The following SERPINB6 variants were observed in gnomAD, a reference collection of about 807,000 sequenced individuals.
SERPINB6 encodes the protein serpin family B member 6.
A neutral mutation model predicts 26.1 loss-of-function variants in SERPINB6; 16 were observed. The ratio of observed to expected loss-of-function variants is 0.61; its 90% CI spans 0.42 to 0.93. SERPINB6 has a LOEUF of 0.93. Among genes scored for constraint, SERPINB6 ranks in the 40% least tolerant of loss-of-function variants. The pLI is 0.00. For synonymous variants in SERPINB6, 174 were observed against 176.6 expected (o/e 0.99, Z 0.11); for missense variants, 420 against 478.0 (o/e 0.88, Z 1.13).
intron 1 of SERPINB6, chr6:2,968,893 G>A (rs538016222): frequency 7.6e-5 from 94 of 1,229,486 alleles, no homozygotes; most frequent in African/African-American, 2.3e-4. Flanking sequence ...AGAACTCTTC[G>A]GTGTGGCTAT....
At chr6:2,968,464 T>TA (rs5873849) in intron 1 of SERPINB6, 666 of 889,676 alleles carry the variant, frequency 7.5e-4, no homozygotes, top group Non-Finnish European at 8.4e-4. Context: ...TTTAAAAGGT[T>TA]AAAAAAAAAA....
Position 2,959,172 on chromosome 6 carries a change from G to A in SERPINB6, c.161C>T (p.Ala54Val), listed in dbSNP as rs1320319140. 2 of 1,614,058 alleles carry A rather than the reference G, an allele frequency of 1.2e-6. No homozygotes were observed. The highest frequency in any genetic ancestry group is 1.3e-5 in the African/African-American group (1 of 74,910). The change falls in exon 2 of 7, where the codon GCC (alanine) becomes GTC (valine). Residue 54 changes from alanine to valine, a missense_variant. Ala to Val is a moderately conservative substitution (Grantham distance 64). Transcript: ENST00000380539. ...ATGGCTGCCCTGAAGCTGTACCTGGGCCATCTGTGCAGCGGTGTTTCCCTT... is the reference window on the plus strand; with the variant it reads ...ATGGCTGCCCTGAAGCTGTACCTGGACCATCTGTGCAGCGGTGTTTCCCTT... ...GAKGNTAAQMAQILSFNKSGG... is the reference protein window; with the variant it reads ...GAKGNTAAQMVQILSFNKSGG...
intron 2 of SERPINB6, chr6:2,956,495 G>A (rs1179852610): frequency 6.6e-6 from 1 of 152,498 alleles, no homozygotes; most frequent in East Asian, 1.9e-4. Context: ...CCTGGAGAAG[G>A]TGCCATCACC....
intron 1 of SERPINB6, chr6:2,970,057 CAAAA>C (rs754952384): frequency 1.9e-4 from 152 of 806,060 alleles, no homozygotes; most frequent in Non-Finnish European, 2.0e-4. Flanking sequence ...TCCAGCCTGG[CAAAA>C]AAAAAAAAAA....
chr6:2,954,303 C>A (rs1770172995), intron 4 of SERPINB6, among the ~76,000 whole-genome samples: 1 of 152,046 alleles, frequency 6.6e-6, no homozygotes, highest in African/African-American at 2.4e-5. Flanking sequence ...AACACACTAA[C>A]CCCCTCCTCA....
chr6:2,965,045 G>A (rs1003361348), intron 1 of SERPINB6, among the ~76,000 whole-genome samples: 1 of 152,172 alleles, frequency 6.6e-6, no homozygotes, highest in Non-Finnish European at 1.5e-5. Context: ...GCCCGGTCCC[G>A]ATCCACAGGT....
At chr6:2,966,096 T>A (rs1391491660) in intron 1 of SERPINB6, among the ~76,000 whole-genome samples, 1 of 152,240 alleles carries the variant, frequency 6.6e-6, no homozygotes, top group Non-Finnish European at 1.5e-5. Context: ...TTGTATGGTA[T>A]AACTTGGTCT....
chr6:2,969,786 GT>G (rs752730990), intron 1 of SERPINB6: 22 of 979,374 alleles, frequency 2.2e-5, no homozygotes, highest in Admixed American at 6.3e-5. Context: ...GTGTGTGTGT[GT>G]TGTGTGTGTA....
chr6:2,955,804 C>A, intron 2 of SERPINB6, 134 bp from the exon 3 acceptor site: 1 of 961,258 alleles, frequency 1.0e-6, no homozygotes, highest in African/African-American at 1.6e-5. Flanking sequence ...AGGCTGGGCG[C>A]AGCAGCTCAC....
At chr6:2,955,977 G>T in intron 2 of SERPINB6, 1 of 302,664 alleles carries the variant, frequency 3.3e-6, no homozygotes, top group Non-Finnish European at 6.4e-6. Flanking sequence ...TCGGGAAGCT[G>T]AGGAAAGAGA....
In SERPINB6 at chr6:2,948,847, A is replaced by G; in HGVS notation, c.729+67T>C. ...AAACGGCTGACCGCAAAGTAGGGAC[A>G]GCAGCCACAGCAGACACCCCCGAGT... On this transcript the variant is annotated intron_variant, in intron 6 of 6. Transcript: ENST00000380539. The surrounding 1 kb of genome is among the most constrained non-coding windows in gnomAD (Gnocchi z 5.0). 1 of 1,605,102 alleles carries G rather than the reference A, an allele frequency of 6.2e-7. No individual in the cohort carries two copies. Among genetic ancestry groups the G allele is most frequent in the South Asian group, 1.1e-5 (1 of 90,790 alleles).
chr6:2,951,412 A>T (rs1369445437), intron 5 of SERPINB6, among the ~76,000 whole-genome samples: 4 of 151,768 alleles, frequency 2.6e-5, no homozygotes, highest in African/African-American at 9.7e-5. Context: ...TAAAAAAAAA[A>T]AATAAGCATG....
In SERPINB6 at chr6:2,961,853, G is replaced by A. The variant is rs1311385385; in HGVS notation, c.-10-2511C>T. The A allele has an allele frequency of 9.1e-6, 9 of 984,178 alleles. No individual in the cohort carries two copies. In the East Asian group the frequency reaches 4.5e-4, roughly 50 times the overall value. 61.0% of individuals were successfully genotyped at this position (984,178 alleles called of 1,614,324 possible). A position where few individuals can be genotyped will look rare whatever the true frequency, so the allele number is the denominator to read the frequency against. ...CAACCCCATCCTAGACTATTCTACC[G>A]TCAGCACACGTTTTCCCCTCAAATG... On this transcript the variant is annotated intron_variant, in intron 1 of 6. Transcript: ENST00000380539.
At chr6:2,969,161 TATC>T (rs1404876184) in intron 1 of SERPINB6, 106 of 996,150 alleles carry the variant, frequency 1.1e-4, no homozygotes, top group Admixed American at 1.8e-4. Context: ...ATACTCCAAA[TATC>T]AACAAATTAT....
chr6:2,959,107 G>C, intron 2 of SERPINB6, 61 bp downstream of exon 2: 1 of 1,597,556 alleles, frequency 6.3e-7, no homozygotes, highest in African/African-American at 1.3e-5. Context: ...TTTGGGATTT[G>C]GAATAAGGAG....
Position 2,967,097 on chromosome 6 carries a change from T to C in SERPINB6, c.-11+4436A>G. 1.0e-6 allele frequency: 1 copy of C among 985,350 alleles called. No individual in the cohort carries two copies. Among genetic ancestry groups the C allele is most frequent in the Non-Finnish European group, 1.2e-6 (1 of 829,852 alleles). The allele number at this position is 985,350 out of a possible 1,614,324, so 61.0% of individuals were successfully genotyped here. A position where few individuals can be genotyped will look rare whatever the true frequency, so the allele number is the denominator to read the frequency against. ...GCTGTGACACACACAGAAAATGATG[T>C]TTGTATGTCACTTTGGGGCCAGGCT... is the stretch of plus-strand genomic sequence containing the variant. On this transcript the variant is annotated intron_variant, in intron 1 of 6. Transcript: ENST00000380539. This position sits in a 1 kb window ranked among gnomAD's most constrained non-coding sequence, Gnocchi z 4.3.
At chr6:2,969,586 T>C (rs1771943217) in intron 1 of SERPINB6, 3 of 985,434 alleles carry the variant, frequency 3.0e-6, no homozygotes, top group Non-Finnish European at 3.6e-6. Flanking sequence ...CTGAGCAATG[T>C]TCACAATTGA....
intron 1 of SERPINB6, chr6:2,971,127 G>A: frequency 9.6e-7 from 1 of 1,044,142 alleles, no homozygotes; most frequent in Non-Finnish European, 1.2e-6. Context: ...CTGTGGCCCG[G>A]GAGGCTCTGC....
intron 1 of SERPINB6, chr6:2,969,718 T>A: frequency 1.0e-6 from 1 of 985,332 alleles, no homozygotes; most frequent in Non-Finnish European, 1.2e-6. Context: ...ACTGGTTTAA[T>A]GGAAACTTGG....
Sources: gnomAD v4.1 joint callset for allele counts (sites outside exome capture counted in the v4.1 genomes callset) on GRCh38, gnomAD v4.1.1 for gene constraint, Gnocchi (gnomAD v3.1) non-coding constraint, MANE v1.5 for transcripts, NCBI Gene and HGNC (gene_info 2026-07-23, HGNC 2026-07-21) for gene names.